Variants in TENM4 observed in about 807,000 individuals in gnomAD.
TENM4 encodes teneurin transmembrane protein 4.
Under a neutral mutation model 243.3 loss-of-function variants are expected in TENM4, and 82 were observed. That is an observed-to-expected ratio of 0.34 (90% CI 0.28 to 0.40). TENM4 has a LOEUF of 0.40. TENM4 is among the 10% of genes least tolerant of loss of function. The pLI is 1.00. For synonymous variants in TENM4, 1,412 were observed against 1,456.3 expected (o/e 0.97, Z 0.69); for missense variants, 3,138 against 3,673.3 (o/e 0.85, Z 3.77).
intron 3 of TENM4, among the ~76,000 whole-genome samples, chr11:79,184,044 T>C (rs1863337918): frequency 6.6e-6 from 1 of 152,232 alleles, no homozygotes; most frequent in African/African-American, 2.4e-5. Flanking sequence ...CTTGAACAGA[T>C]GTTTGTACAT....
In TENM4 at chr11:78,805,277, T is replaced by TGCCCCC; in HGVS notation, c.2179+14_2179+15insGGGGGC. 2.3e-4 allele frequency: 328 copies of TGCCCCC among 1,402,126 alleles called. No individual in the cohort carries two copies. Among genetic ancestry groups the TGCCCCC allele is most frequent in the Middle Eastern group, 4.2e-4 (2 of 4,796 alleles). The allele number at this position is 1,402,126 out of a possible 1,614,324, so 86.9% of individuals were successfully genotyped here. On this transcript the variant is annotated intron_variant, in intron 15 of 33. Transcript: ENST00000278550. ...CCCCTCCCTCTACCCATGCTTCTTC[T>TGCCCCC]CCCCCTGCATTTACCGATAGAACAG...
At chr11:79,137,806 G>C (rs1162635770) in intron 4 of TENM4, among the ~76,000 whole-genome samples, 1 of 152,092 alleles carries the variant, frequency 6.6e-6, no homozygotes, top group East Asian at 1.9e-4. Flanking sequence ...GTCTCCAGTT[G>C]TATGAAGGAT....
chr11:78,870,943 T>G (rs1309801044), intron 9 of TENM4, among the ~76,000 whole-genome samples: 3 of 152,216 alleles, frequency 2.0e-5, no homozygotes, highest in Non-Finnish European at 4.4e-5. Context: ...CTGTGTTTTC[T>G]GGGCACCTTT....
At chr11:79,140,659 T>A (rs1407830589) in intron 4 of TENM4, among the ~76,000 whole-genome samples, 1 of 152,082 alleles carries the variant, frequency 6.6e-6, no homozygotes, top group Non-Finnish European at 1.5e-5. Context: ...GAAGTCTGCT[T>A]AATGGACTCA....
At chr11:79,365,648 G>C (rs1055280160) in intron 1 of TENM4, among the ~76,000 whole-genome samples, 5 of 152,192 alleles carry the variant, frequency 3.3e-5, no homozygotes, top group South Asian at 2.1e-4. Flanking sequence ...TTACACTGCA[G>C]TGGGGAGACA....
chr11:79,352,237 A>G (rs1203594939), intron 1 of TENM4, among the ~76,000 whole-genome samples: 2 of 152,212 alleles, frequency 1.3e-5, no homozygotes, highest in Non-Finnish European at 2.9e-5. Context: ...AGCAGAGAGC[A>G]CTGAGGGCTA....
At chr11:78,810,198 G>A (rs929164983) in intron 14 of TENM4, among the ~76,000 whole-genome samples, 1 of 152,162 alleles carries the variant, frequency 6.6e-6, no homozygotes, top group African/African-American at 2.4e-5. Flanking sequence ...CAAGGACAAC[G>A]CAATGACGCT....
chr11:79,160,385 T>A (rs527872064), intron 3 of TENM4, among the ~76,000 whole-genome samples: 1 of 152,292 alleles, frequency 6.6e-6, no homozygotes, highest in South Asian at 2.1e-4. Flanking sequence ...GGGCAAGGCA[T>A]GCAGTGCCTG....
intron 9 of TENM4, among the ~76,000 whole-genome samples, chr11:78,884,741 AG>A (rs1855513787): frequency 6.6e-6 from 1 of 152,256 alleles, no homozygotes; most frequent in African/African-American, 2.4e-5. Flanking sequence ...TACAGCATAC[AG>A]GTTAAAAGTG....
chr11:78,935,387 A>G (rs1444402748), intron 6 of TENM4, among the ~76,000 whole-genome samples: 1 of 152,228 alleles, frequency 6.6e-6, no homozygotes, highest in African/African-American at 2.4e-5. Context: ...ACACCTATTA[A>G]GTTCCAGGCA....
At chr11:79,360,838 T>G (rs887791226) in intron 1 of TENM4, among the ~76,000 whole-genome samples, 61 of 152,190 alleles carry the variant, frequency 4.0e-4, no homozygotes, top group African/African-American at 1.4e-3. Flanking sequence ...CAAAATGTGT[T>G]GTAGAAATAT....
chr11:79,058,329 G>T (rs1307765559), intron 6 of TENM4, among the ~76,000 whole-genome samples: 2 of 152,248 alleles, frequency 1.3e-5, no homozygotes, highest in African/African-American at 4.8e-5. Context: ...AGATCATAAG[G>T]TCAGGAGATC....
intron 2 of TENM4, among the ~76,000 whole-genome samples, chr11:79,284,596 C>G (rs1209815543): frequency 6.6e-6 from 1 of 152,112 alleles, no homozygotes; most frequent in Non-Finnish European, 1.5e-5. Context: ...ATATAAAACT[C>G]TTAAGAGAAA....
In TENM4 at chr11:78,672,756, C is replaced by A. The variant is rs148577917; in HGVS notation, c.5497-427G>T. Among the ~76,000 whole-genome samples, 1,106 of 152,266 alleles carry A rather than the reference C, an allele frequency of 7.3e-3. 8 individuals carry two copies. The highest frequency in any genetic ancestry group is 0.01 in the Non-Finnish European group (700 of 68,018). On this transcript the variant is annotated intron_variant, in intron 30 of 33. Transcript: ENST00000278550. ...TCTTCCACACCAGACACTGCGGAGA[C>A]CAAAGCTCAGGGAGGTGAAGGGATT...
chr11:78,950,382 C>T (rs113069798), intron 6 of TENM4, among the ~76,000 whole-genome samples: 7 of 152,234 alleles, frequency 4.6e-5, no homozygotes, highest in South Asian at 2.1e-4. Flanking sequence ...GGGTATAGTG[C>T]AGGGCGGGGG....
chr11:79,032,378 G>T (rs756159663), intron 6 of TENM4, among the ~76,000 whole-genome samples: 2 of 152,160 alleles, frequency 1.3e-5, no homozygotes, highest in African/African-American at 4.8e-5. Context: ...TATCTTACAG[G>T]TGAAGCAGCT....
intron 6 of TENM4, among the ~76,000 whole-genome samples, chr11:79,029,813 G>GT (rs1386896267): frequency 6.6e-6 from 1 of 152,154 alleles, no homozygotes; most frequent in Non-Finnish European, 1.5e-5. Flanking sequence ...CTCTTCTCCA[G>GT]GAAGCCCTAT....
chr11:79,394,138 G>T (rs1858293026), intron 1 of TENM4, among the ~76,000 whole-genome samples: 1 of 152,188 alleles, frequency 6.6e-6, no homozygotes, highest in African/African-American at 2.4e-5. Flanking sequence ...TCAAAATTTG[G>T]CTTACACTCT....
rs12283506 is a variant in TENM4 at position 78,814,488 on chromosome 11, A to G, written c.1682-93T>C. 8,644 of 1,032,902 alleles carry G rather than the reference A, an allele frequency of 8.4e-3. 543 individuals are homozygous for G. The African/African-American group carries it at 0.13, about 15-fold the overall frequency. The allele number at this position is 1,032,902 out of a possible 1,614,324, so 64.0% of individuals were successfully genotyped here. ...AAGCTTTAGGTTAGCCAAGACCCAC[A>G]TATTTGAGCTCTTGTGGCCCCGTCA... On this transcript the variant is annotated intron_variant, in intron 12 of 33. Coordinates refer to ENST00000278550, the MANE Select transcript of TENM4 (RefSeq NM_001098816.3).
Sources: allele counts gnomAD v4.1 joint callset (sites outside exome capture counted in the v4.1 genomes callset), GRCh38; gene constraint gnomAD v4.1.1; transcripts MANE v1.5; gene names NCBI Gene and HGNC (gene_info 2026-07-23, HGNC 2026-07-21).